COL5A2: variants seen among roughly 807,000 people sequenced by gnomAD.
The protein encoded by COL5A2 is collagen type V alpha 2 chain.
Under a neutral mutation model 208.2 loss-of-function variants are expected in COL5A2, and 23 were observed. That is an observed-to-expected ratio of 0.11 (90% CI 0.08 to 0.16). The LOEUF (loss-of-function observed/expected upper bound fraction) is 0.16, where lower values mean the gene tolerates loss of function less well. COL5A2 is among the 10% of genes least tolerant of loss of function. The pLI, the probability that COL5A2 is intolerant of heterozygous loss-of-function variation, is 1.00. For synonymous variants in COL5A2, 625 were observed against 628.5 expected (o/e 0.99, Z 0.08); for missense variants, 1,590 against 1,956.4 (o/e 0.81, Z 3.53).
the COL5A2 span, among the ~76,000 whole-genome samples, chr2:189,269,425 T>TAA: frequency 6.6e-6 from 1 of 152,116 alleles, no homozygotes; most frequent in Non-Finnish European, 1.5e-5. Flanking sequence ...AATCTCTAGT[T>TAA]TATTGAGAGT....
At chr2:189,123,241 G>A (rs1687543751) in intron 1 of COL5A2, among the ~76,000 whole-genome samples, 1 of 152,164 alleles carries the variant, frequency 6.6e-6, no homozygotes, top group Admixed American at 6.5e-5. Context: ...TGGGATTACA[G>A]GCATGAGCCA....
At chr2:189,329,667 A>T in the COL5A2 span, among the ~76,000 whole-genome samples, 2 of 152,188 alleles carry the variant, frequency 1.3e-5, no homozygotes, top group Admixed American at 1.3e-4. Context: ...TTAAAAAATA[A>T]GATAAAATAG....
chr2:189,324,660 C>T, the COL5A2 span, among the ~76,000 whole-genome samples: 4 of 152,182 alleles, frequency 2.6e-5, no homozygotes, highest in South Asian at 2.1e-4. Flanking sequence ...TAAAAAGTCA[C>T]GAAACAACAG....
chr2:189,241,537 T>TA, the COL5A2 span, among the ~76,000 whole-genome samples: 5 of 152,066 alleles, frequency 3.3e-5, no homozygotes, highest in East Asian at 9.7e-4. Context: ...ACAAAATAAA[T>TA]AAAAAAATTA....
chr2:189,364,624 C>T, the COL5A2 span, among the ~76,000 whole-genome samples: 1 of 151,396 alleles, frequency 6.6e-6, no homozygotes, highest in East Asian at 1.9e-4. Context: ...GTGGAGGTTG[C>T]AGTAAATAGA....
At chr2:189,316,941 C>T in the COL5A2 span, among the ~76,000 whole-genome samples, 1 of 152,042 alleles carries the variant, frequency 6.6e-6, no homozygotes, top group Non-Finnish European at 1.5e-5. Context: ...ATGAAGACCC[C>T]ATTCTCCATG....
intron 1 of COL5A2, among the ~76,000 whole-genome samples, chr2:189,212,864 A>AATATATAT (rs34736257): frequency 6.9e-6 from 1 of 144,244 alleles, no homozygotes; most frequent in African/African-American, 2.6e-5. Context: ...TATAGTGTTA[A>AATATATAT]ATATATATAT....
the COL5A2 span, among the ~76,000 whole-genome samples, chr2:189,434,160 G>A: frequency 1.3e-5 from 2 of 152,120 alleles, no homozygotes; most frequent in Non-Finnish European, 2.9e-5. Flanking sequence ...CAATAAATTA[G>A]GTATTGATGG....
chr2:189,176,398 C>T (rs1366990101), intron 1 of COL5A2, among the ~76,000 whole-genome samples: 1 of 152,176 alleles, frequency 6.6e-6, no homozygotes, highest in Non-Finnish European at 1.5e-5. Context: ...TGGCTTGCTT[C>T]ACTTGTTTAT....
chr2:189,283,674 C>T, the COL5A2 span, among the ~76,000 whole-genome samples: 2 of 151,912 alleles, frequency 1.3e-5, no homozygotes, highest in Admixed American at 1.3e-4. Flanking sequence ...TATGAACTTA[C>T]TTAATAATAA....
chr2:189,278,437 T>C, the COL5A2 span, among the ~76,000 whole-genome samples: 1 of 152,188 alleles, frequency 6.6e-6, no homozygotes, highest in East Asian at 1.9e-4. Context: ...GAAAACGTAT[T>C]GTATATCAGC....
At chr2:189,276,546 C>T in the COL5A2 span, among the ~76,000 whole-genome samples, 8 of 152,180 alleles carry the variant, frequency 5.3e-5, no homozygotes, top group South Asian at 2.1e-4. Context: ...TACATGCTGA[C>T]CATATTGCAT....
the COL5A2 span, among the ~76,000 whole-genome samples, chr2:189,412,653 C>G: frequency 6.6e-6 from 1 of 152,098 alleles, no homozygotes. Context: ...ATGAAAATAC[C>G]ATTAAAAACT....
At chr2:189,110,673 T>C (rs1242422181) in intron 1 of COL5A2, among the ~76,000 whole-genome samples, 1 of 152,144 alleles carries the variant, frequency 6.6e-6, no homozygotes, top group African/African-American at 2.4e-5. Context: ...ATAAAAGTGA[T>C]ACAATGGAGG....
At chr2:189,054,711 T>G (rs1576496733) in intron 35 of COL5A2, among the ~76,000 whole-genome samples, 2 of 134,842 alleles carry the variant, frequency 1.5e-5, no homozygotes, top group African/African-American at 5.6e-5. Flanking sequence ...TTTTTTTTTT[T>G]GGCACAGGGT....
chr2:189,277,960 C>T, the COL5A2 span, among the ~76,000 whole-genome samples: 1 of 151,790 alleles, frequency 6.6e-6, no homozygotes, highest in African/African-American at 2.4e-5. Context: ...GAAATGTTAC[C>T]TTTACTATTA....
the COL5A2 span, among the ~76,000 whole-genome samples, chr2:189,310,603 C>T: frequency 6.6e-6 from 1 of 151,720 alleles, no homozygotes. Flanking sequence ...GAAATCAGGA[C>T]CTTGAAGAGA....
At chr2:189,277,261 CT>C in the COL5A2 span, among the ~76,000 whole-genome samples, 1 of 152,086 alleles carries the variant, frequency 6.6e-6, no homozygotes, top group South Asian at 2.1e-4. Context: ...GACCATAGGT[CT>C]TTTAATTATC....
At chr2:189,068,618 AC>A (rs1422439334) in intron 19 of COL5A2, among the ~76,000 whole-genome samples, 167 bp downstream of exon 19, 1 of 152,188 alleles carries the variant, frequency 6.6e-6, no homozygotes, top group African/African-American at 2.4e-5. Flanking sequence ...TATCTTAAAT[AC>A]CCTGACTTGA....
Sources: gnomAD v4.1 joint callset for allele counts (sites outside exome capture counted in the v4.1 genomes callset) on GRCh38, gnomAD v4.1.1 for gene constraint, MANE v1.5 for transcripts, NCBI Gene and HGNC (gene_info 2026-07-23, HGNC 2026-07-21) for gene names.